Variants in RALGPS1 observed in about 807,000 individuals in gnomAD.
RALGPS1 encodes the protein Ral GEF with PH domain and SH3 binding motif 1.
RALGPS1 carries 19 observed loss-of-function variants against 78.8 expected under a neutral mutation model. The observed-to-expected ratio is 0.24, with a 90% confidence interval of 0.17 to 0.35. The LOEUF is 0.35. Among genes scored for constraint, RALGPS1 ranks in the 10% least tolerant of loss-of-function variants. The pLI is 1.00. For missense variants in RALGPS1, 454 were observed against 688.3 expected (o/e 0.66, Z 3.81); for synonymous variants, 228 against 256.3 (o/e 0.89, Z 1.06).
chr9:127,179,722 G>A (rs922400977), intron 11 of RALGPS1, among the ~76,000 whole-genome samples: 1 of 152,232 alleles, frequency 6.6e-6, no homozygotes, highest in Non-Finnish European at 1.5e-5. Flanking sequence ...GGGCAAGGAT[G>A]GGTACACTGA....
At chr9:127,005,385 C>A (rs2043742109) in intron 4 of RALGPS1, among the ~76,000 whole-genome samples, 1 of 152,236 alleles carries the variant, frequency 6.6e-6, no homozygotes, top group Non-Finnish European at 1.5e-5. Flanking sequence ...GATGAAGCAT[C>A]TGCTTTCTCT....
At chr9:126,946,563 G>C (rs1385507281) in intron 1 of RALGPS1, among the ~76,000 whole-genome samples, 4 of 150,446 alleles carry the variant, frequency 2.7e-5, no homozygotes, top group Middle Eastern at 3.4e-3. Flanking sequence ...AAAAGATTGA[G>C]GGCTTTACAG....
chr9:127,184,217 C>G (rs1440755302), intron 11 of RALGPS1: 2 of 639,010 alleles, frequency 3.1e-6, no homozygotes, highest in East Asian at 6.8e-5. Context: ...CCCAGCTCCT[C>G]AGGGCTTAGG....
At chr9:126,920,174 G>A (rs2034609726) in intron 1 of RALGPS1, among the ~76,000 whole-genome samples, 1 of 152,134 alleles carries the variant, frequency 6.6e-6, no homozygotes, top group Non-Finnish European at 1.5e-5. Context: ...GTTGAATAGT[G>A]TGATGGACCT....
intron 4 of RALGPS1, among the ~76,000 whole-genome samples, chr9:126,988,039 A>G (rs1052924718): frequency 2.6e-5 from 4 of 152,172 alleles, no homozygotes; most frequent in African/African-American, 9.7e-5. Context: ...TGTTTGGAGA[A>G]CAGTGAGGAG....
At chr9:126,918,913 G>A (rs1357274533) in intron 1 of RALGPS1, among the ~76,000 whole-genome samples, 2 of 151,434 alleles carry the variant, frequency 1.3e-5, no homozygotes, top group African/African-American at 4.9e-5. Context: ...CAGGTGATCC[G>A]CCTGCCTCGG....
At chr9:127,081,239 A>T (rs1198919134) in intron 8 of RALGPS1, among the ~76,000 whole-genome samples, 6 of 146,096 alleles carry the variant, frequency 4.1e-5, no homozygotes, top group South Asian at 2.2e-4. Context: ...ATTTTTTTTT[A>T]AATATACATT....
chr9:127,165,079 ATCT>A (rs1475574742), intron 8 of RALGPS1, among the ~76,000 whole-genome samples: 2 of 152,104 alleles, frequency 1.3e-5, no homozygotes, highest in Non-Finnish European at 2.9e-5. Flanking sequence ...TAACCATTAG[ATCT>A]TCTTGATCAC....
chr9:127,202,988 C>G (rs1408861289), intron 14 of RALGPS1, among the ~76,000 whole-genome samples: 1 of 152,188 alleles, frequency 6.6e-6, no homozygotes, highest in Non-Finnish European at 1.5e-5. Context: ...ACCTCGGGCC[C>G]CTTGGAAACC....
intron 8 of RALGPS1, among the ~76,000 whole-genome samples, chr9:127,121,774 C>G (rs1028079813): frequency 6.6e-6 from 1 of 152,232 alleles, no homozygotes; most frequent in African/African-American, 2.4e-5. Context: ...CCTCTGCTCT[C>G]CTCGCCAGCT....
At chr9:127,072,339 A>G (rs1447776298) in intron 8 of RALGPS1, among the ~76,000 whole-genome samples, 1 of 152,142 alleles carries the variant, frequency 6.6e-6, no homozygotes, top group African/African-American at 2.4e-5. Flanking sequence ...CAGCCTCCCA[A>G]GTAGCTGGGA....
chr9:126,945,528 GCT>G (rs1212567346), intron 1 of RALGPS1, among the ~76,000 whole-genome samples: 1 of 152,146 alleles, frequency 6.6e-6, no homozygotes, highest in African/African-American at 2.4e-5. Context: ...TTTGCCCTCT[GCT>G]AACTCTTTCA....
At chr9:127,114,955 C>A (rs1440847356) in intron 8 of RALGPS1, among the ~76,000 whole-genome samples, 1 of 152,178 alleles carries the variant, frequency 6.6e-6, no homozygotes, top group East Asian at 1.9e-4. Context: ...GTATGGTGTG[C>A]TGGTAGGGAA....
intron 8 of RALGPS1, among the ~76,000 whole-genome samples, chr9:127,076,414 A>G (rs2136030416): frequency 6.6e-6 from 1 of 152,376 alleles, no homozygotes; most frequent in African/African-American, 2.4e-5. Flanking sequence ...ACTTCTGGAT[A>G]GTAAGAAAAC....
At chr9:127,139,290 G>A (rs1189052431) in intron 8 of RALGPS1, among the ~76,000 whole-genome samples, 1 of 152,212 alleles carries the variant, frequency 6.6e-6, no homozygotes, top group African/African-American at 2.4e-5. Flanking sequence ...ACTCTGACTA[G>A]TGAGGCTTCA....
At chr9:127,169,437 A>G (rs999346895) in intron 10 of RALGPS1, among the ~76,000 whole-genome samples, 4 of 151,930 alleles carry the variant, frequency 2.6e-5, no homozygotes, top group African/African-American at 9.7e-5. Flanking sequence ...CAGCATTTCT[A>G]TGTATTTGGA....
intron 5 of RALGPS1, among the ~76,000 whole-genome samples, chr9:127,039,030 A>T (rs2047078721): frequency 6.6e-6 from 1 of 152,142 alleles, no homozygotes; most frequent in Admixed American, 6.5e-5. Context: ...GACATGTGGG[A>T]TGAAGTATGC....
intron 4 of RALGPS1, among the ~76,000 whole-genome samples, chr9:127,010,584 G>T (rs2044249506): frequency 6.6e-6 from 1 of 152,134 alleles, no homozygotes; most frequent in South Asian, 2.1e-4. Context: ...TTTGCCTCTT[G>T]GGGCCCTTCT....
intron 8 of RALGPS1, among the ~76,000 whole-genome samples, chr9:127,139,435 G>A (rs2057621457): frequency 6.6e-6 from 1 of 152,228 alleles, no homozygotes; most frequent in Non-Finnish European, 1.5e-5. Flanking sequence ...GCCCAGCTGT[G>A]CCAGCTGAGA....
Sources: gnomAD v4.1 joint callset for allele counts (sites outside exome capture counted in the v4.1 genomes callset) on GRCh38, gnomAD v4.1.1 for gene constraint, MANE v1.5 for transcripts, NCBI Gene and HGNC (gene_info 2026-07-23, HGNC 2026-07-21) for gene names.